The following CNTN5 variants were observed in gnomAD, a reference collection of about 807,000 sequenced individuals.
The protein encoded by CNTN5 is contactin 5, also known as contactin-5.
CNTN5 carries 77 observed loss-of-function variants against 129.1 expected under a neutral mutation model. That is an observed-to-expected ratio of 0.60 (90% CI 0.50 to 0.72). The LOEUF is 0.72. CNTN5 is among the 30% of genes least tolerant of loss of function. The pLI is 0.00. For missense variants in CNTN5, 1,478 were observed against 1,328.8 expected (o/e 1.11, Z -1.75); for synonymous variants, 509 against 465.6 (o/e 1.09, Z -1.20).
At chr11:100,345,593 G>A (rs1315663564) in intron 23 of CNTN5, among the ~76,000 whole-genome samples, 2 of 151,100 alleles carry the variant, frequency 1.3e-5, no homozygotes, top group East Asian at 3.9e-4. Flanking sequence ...AAAAAAAGAG[G>A]TTTCCCTATC....
chr11:100,096,470 A>G (rs555387331), intron 13 of CNTN5, among the ~76,000 whole-genome samples: 1 of 152,022 alleles, frequency 6.6e-6, no homozygotes, highest in South Asian at 2.1e-4. Context: ...TGTGTAAACA[A>G]CTACTTCACA....
At chr11:99,978,741 G>A (rs569715319) in intron 8 of CNTN5, among the ~76,000 whole-genome samples, 52 of 152,220 alleles carry the variant, frequency 3.4e-4, no homozygotes, top group Non-Finnish European at 3.5e-4. Context: ...GCCTAATGTC[G>A]CATTAATCCT....
chr11:99,107,566 A>G (rs1297364512), intron 1 of CNTN5, among the ~76,000 whole-genome samples: 2 of 152,184 alleles, frequency 1.3e-5, no homozygotes, highest in Non-Finnish European at 2.9e-5. Context: ...TATATTAACT[A>G]ACAAACATTA....
intron 3 of CNTN5, among the ~76,000 whole-genome samples, chr11:99,727,168 C>T (rs948527911): frequency 2.7e-5 from 4 of 147,968 alleles, no homozygotes; most frequent in East Asian, 2.0e-4. Flanking sequence ...TAGCCGGGCG[C>T]GGTGGCGGGC....
intron 6 of CNTN5, among the ~76,000 whole-genome samples, chr11:99,891,728 C>T (rs1949065234): frequency 6.6e-6 from 1 of 152,146 alleles, no homozygotes; most frequent in Non-Finnish European, 1.5e-5. Flanking sequence ...TCCAGTCTAT[C>T]ATTGATGGGC....
At chr11:99,801,747 T>A (rs1181544773) in intron 3 of CNTN5, among the ~76,000 whole-genome samples, 1 of 152,228 alleles carries the variant, frequency 6.6e-6, no homozygotes, top group Non-Finnish European at 1.5e-5. Context: ...TATTTTGAAA[T>A]TCCTTAAGTA....
At chr11:99,724,436 C>T (rs1943270740) in intron 3 of CNTN5, among the ~76,000 whole-genome samples, 1 of 152,170 alleles carries the variant, frequency 6.6e-6, no homozygotes, top group Admixed American at 6.5e-5. Context: ...AGCAACACCA[C>T]TACACGATTT....
At chr11:99,473,268 T>G (rs1945245001) in intron 2 of CNTN5, among the ~76,000 whole-genome samples, 1 of 152,196 alleles carries the variant, frequency 6.6e-6, no homozygotes, top group South Asian at 2.1e-4. Context: ...GGATTTTCTT[T>G]CCTTGGTATC....
intron 2 of CNTN5, among the ~76,000 whole-genome samples, chr11:99,476,570 C>CTT (rs1945379320): frequency 6.6e-6 from 1 of 152,096 alleles, no homozygotes; most frequent in Admixed American, 6.6e-5. Context: ...TGGTCAACTT[C>CTT]TTATAGAACT....
At chr11:99,922,579 AC>A (rs1949966282) in intron 7 of CNTN5, among the ~76,000 whole-genome samples, 1 of 152,204 alleles carries the variant, frequency 6.6e-6, no homozygotes, top group Non-Finnish European at 1.5e-5. Context: ...ATCATAGCAT[AC>A]TTGTTCAACT....
At chr11:99,575,955 C>T (rs1054551201) in intron 3 of CNTN5, among the ~76,000 whole-genome samples, 21 of 152,138 alleles carry the variant, frequency 1.4e-4, no homozygotes, top group African/African-American at 5.1e-4. Flanking sequence ...CTAGAGAATC[C>T]GTACTTGGAC....
chr11:99,175,802 T>TA (rs762415528), intron 1 of CNTN5, among the ~76,000 whole-genome samples: 30 of 152,220 alleles, frequency 2.0e-4, no homozygotes, highest in Middle Eastern at 3.4e-3. Context: ...TCTTCTAAGT[T>TA]AAAGAGATAA....
intron 2 of CNTN5, among the ~76,000 whole-genome samples, chr11:99,420,104 G>C (rs934201630): frequency 2.0e-5 from 3 of 152,054 alleles, no homozygotes; most frequent in Non-Finnish European, 4.4e-5. Flanking sequence ...ATTTAGTGCA[G>C]CCCTCTATTT....
chr11:99,485,976 C>G (rs10893403), intron 2 of CNTN5, among the ~76,000 whole-genome samples: 2 of 151,938 alleles, frequency 1.3e-5, no homozygotes, highest in South Asian at 4.2e-4. Context: ...CTATACAATA[C>G]GCTTACAATT....
At chr11:99,433,808 GT>G (rs1943494108) in intron 2 of CNTN5, among the ~76,000 whole-genome samples, 1 of 152,096 alleles carries the variant, frequency 6.6e-6, no homozygotes, top group African/African-American at 2.4e-5. Flanking sequence ...TCTCTTGAAA[GT>G]TTTTTAAAGA....
intron 3 of CNTN5, among the ~76,000 whole-genome samples, chr11:99,591,196 G>A (rs971041240): frequency 3.9e-5 from 6 of 152,188 alleles, no homozygotes; most frequent in South Asian, 4.2e-4. Context: ...TCTCTGGAGG[G>A]AGGTTGGGAT....
chr11:99,962,264 C>T (rs1359368618), intron 8 of CNTN5, among the ~76,000 whole-genome samples: 2 of 151,648 alleles, frequency 1.3e-5, no homozygotes, highest in East Asian at 1.9e-4. Context: ...CCCATTAACT[C>T]GTCGTTTAAC....
At chr11:99,236,348 T>G (rs1861260123) in intron 1 of CNTN5, among the ~76,000 whole-genome samples, 1 of 152,090 alleles carries the variant, frequency 6.6e-6, no homozygotes, top group Non-Finnish European at 1.5e-5. Flanking sequence ...TCAGATGAAA[T>G]GCCAAAAACA....
At chr11:100,036,093 G>A (rs1005220211) in intron 9 of CNTN5, among the ~76,000 whole-genome samples, 43 of 152,024 alleles carry the variant, frequency 2.8e-4, no homozygotes, top group African/African-American at 1.0e-3. Flanking sequence ...GGGTTTTTAT[G>A]GTTTCAGCTC....
Sources: gnomAD v4.1 joint callset for allele counts (sites outside exome capture counted in the v4.1 genomes callset) on GRCh38, gnomAD v4.1.1 for gene constraint, MANE v1.5 for transcripts, NCBI Gene and HGNC (gene_info 2026-07-23, HGNC 2026-07-21) for gene names.